The following HMCN1 variants were observed in gnomAD, a reference collection of about 807,000 sequenced individuals.
The protein encoded by HMCN1 is hemicentin-1.
In HMCN1, 321 loss-of-function variants were observed where a neutral mutation model predicts 625.9. The observed-to-expected ratio is 0.51, with a 90% CI of 0.47 to 0.56. The LOEUF (loss-of-function observed/expected upper bound fraction) is 0.56, where lower values mean the gene tolerates loss of function less well. Among genes scored for constraint, HMCN1 ranks in the 20% least tolerant of loss-of-function variants. The probability of loss-of-function intolerance (pLI) is 0.00; values close to 1 mark genes in which losing one functional copy is unlikely to be tolerated. For missense variants in HMCN1, 6,588 were observed against 6,887.3 expected (o/e 0.96, Z 1.54); for synonymous variants, 2,425 against 2,417.6 (o/e 1.00, Z -0.09).
At chr1:185,830,930 A>G (rs1187411994) in intron 1 of HMCN1, among the ~76,000 whole-genome samples, 3 of 152,100 alleles carry the variant, frequency 2.0e-5, no homozygotes, top group Non-Finnish European at 2.9e-5. Context: ...GAAAAAAACA[A>G]AACATAAATC....
At chr1:185,970,095 T>G (rs72718868) in intron 14 of HMCN1, among the ~76,000 whole-genome samples, 15,344 of 152,208 alleles carry the variant, frequency 0.1, 2,064 homozygotes, top group African/African-American at 0.31. Flanking sequence ...CCCCAAGGTA[T>G]CTTCAAAGAG....
At chr1:185,823,608 G>A (rs1660332237) in intron 1 of HMCN1, among the ~76,000 whole-genome samples, 1 of 152,076 alleles carries the variant, frequency 6.6e-6, no homozygotes, top group African/African-American at 2.4e-5. Flanking sequence ...CCATCTCTTG[G>A]CTTTGTGGTT....
intron 15 of HMCN1, among the ~76,000 whole-genome samples, chr1:185,973,992 A>G (rs1651020393): frequency 6.6e-6 from 1 of 152,188 alleles, no homozygotes; most frequent in Non-Finnish European, 1.5e-5. Context: ...AATTTTCCCT[A>G]AGGGAACTAG....
chr1:185,941,777 G>A (rs1004541990), intron 11 of HMCN1, among the ~76,000 whole-genome samples: 6 of 152,264 alleles, frequency 3.9e-5, no homozygotes, highest in Non-Finnish European at 7.4e-5. Flanking sequence ...AAAGATGTTA[G>A]AGAACTTTAA....
chr1:185,937,021 G>C (rs1285985210), intron 11 of HMCN1, among the ~76,000 whole-genome samples: 1 of 152,202 alleles, frequency 6.6e-6, no homozygotes, highest in Non-Finnish European at 1.5e-5. Flanking sequence ...TAAAACAGTG[G>C]AGGGAAAATG....
chr1:186,054,181 C>T (rs1204545688), intron 44 of HMCN1, among the ~76,000 whole-genome samples, 195 bp downstream of exon 44: 2 of 151,984 alleles, frequency 1.3e-5, no homozygotes, highest in African/African-American at 2.4e-5. Flanking sequence ...GGCATTACAG[C>T]TGTCCACTCT....
At chr1:186,016,331 A>G in intron 32 of HMCN1, 92 bp downstream of exon 32, 2 of 1,235,976 alleles carry the variant, frequency 1.6e-6, no homozygotes, top group Non-Finnish European at 2.3e-6. Context: ...ATAATAAAAC[A>G]ATCTAAAAGA....
intron 2 of HMCN1, among the ~76,000 whole-genome samples, chr1:185,850,687 A>G (rs1440377473): frequency 1.3e-5 from 2 of 151,996 alleles, no homozygotes; most frequent in African/African-American, 2.4e-5. Context: ...CAGAAAAATA[A>G]TTTTTCTTTC....
chr1:185,777,692 C>T (rs893416017), intron 1 of HMCN1, among the ~76,000 whole-genome samples: 7 of 152,108 alleles, frequency 4.6e-5, no homozygotes, highest in South Asian at 2.1e-4. Context: ...CCTGGTGATC[C>T]GCCCGCCTCA....
chr1:186,022,903 T>A (rs1310553650), intron 35 of HMCN1, 127 bp from the exon 36 acceptor site: 1 of 933,764 alleles, frequency 1.1e-6, no homozygotes, highest in Non-Finnish European at 1.7e-6. Context: ...ATCAAGGGTT[T>A]ATTAAGATAT....
At chr1:185,818,965 C>T (rs914311460) in intron 1 of HMCN1, among the ~76,000 whole-genome samples, 1 of 150,500 alleles carries the variant, frequency 6.6e-6, no homozygotes, top group Non-Finnish European at 1.5e-5. Context: ...TGATCTGTTA[C>T]CTGGAAGCCA....
At chr1:185,975,424 G>C (rs532259814) in intron 15 of HMCN1, among the ~76,000 whole-genome samples, 10 of 152,044 alleles carry the variant, frequency 6.6e-5, no homozygotes, top group Admixed American at 1.3e-4. Context: ...GAGAGCAAAG[G>C]GGGAGGTGAT....
chr1:186,108,719 T>C (rs1025121415), intron 71 of HMCN1, 122 bp downstream of exon 71: 8 of 1,135,788 alleles, frequency 7.0e-6, no homozygotes, highest in Non-Finnish European at 9.0e-6. Context: ...TATTCAACAT[T>C]GCAGCAGTAA....
chr1:185,929,042 T>A, intron 10 of HMCN1, among the ~76,000 whole-genome samples: 1 of 147,036 alleles, frequency 6.8e-6, no homozygotes, highest in African/African-American at 2.7e-5. Context: ...TTATCATTAT[T>A]GTCAGGGATT....
chr1:186,179,499 A>G (rs115542368), intron 104 of HMCN1, among the ~76,000 whole-genome samples: 2,545 of 152,264 alleles, frequency 0.017, 41 homozygotes, highest in Non-Finnish European at 0.021. Context: ...GTGAACATCT[A>G]CAATTAGCAT....
intron 1 of HMCN1, among the ~76,000 whole-genome samples, chr1:185,771,953 T>A (rs531391783): frequency 6.6e-6 from 1 of 152,088 alleles, no homozygotes; most frequent in Non-Finnish European, 1.5e-5. Context: ...ATGGGGAGAA[T>A]AGAAGTAACC....
intron 1 of HMCN1, among the ~76,000 whole-genome samples, chr1:185,743,918 C>T (rs1654169446): frequency 6.6e-6 from 1 of 150,846 alleles, no homozygotes; most frequent in South Asian, 2.1e-4. Flanking sequence ...AATAGTACAA[C>T]ACTTATACAG....
At chr1:185,993,385 T>C (rs2102037558) in intron 23 of HMCN1, 76 bp downstream of exon 23, 1 of 1,551,774 alleles carries the variant, frequency 6.4e-7, no homozygotes, top group Non-Finnish European at 8.8e-7. Flanking sequence ...GTTTATTTGA[T>C]AGTTAATTTC....
chr1:185,752,552 T>A (rs1350374548), intron 1 of HMCN1, among the ~76,000 whole-genome samples: 1 of 152,210 alleles, frequency 6.6e-6, no homozygotes, highest in East Asian at 1.9e-4. Flanking sequence ...CCAGTGTTTC[T>A]GTTTTGGAGG....
Sources: allele counts gnomAD v4.1 joint callset (sites outside exome capture counted in the v4.1 genomes callset), GRCh38; gene constraint gnomAD v4.1.1; transcripts MANE v1.5; gene names NCBI Gene and HGNC (gene_info 2026-07-23, HGNC 2026-07-21).